The following SLC25A48 variants were observed in gnomAD, a reference collection of about 807,000 sequenced individuals.
SLC25A48 encodes the protein solute carrier family 25 member 48.
A neutral mutation model predicts 32.2 loss-of-function variants in SLC25A48; 29 were observed. The ratio of observed to expected loss-of-function variants is 0.90; its 90% CI spans 0.67 to 1.23. The LOEUF (loss-of-function observed/expected upper bound fraction) is 1.23. Ranked by LOEUF, SLC25A48 falls within the 50% of genes most tolerant of loss-of-function variation. SLC25A48 has a pLI of 0.00. For missense variants in SLC25A48, 399 were observed against 422.7 expected, an observed-to-expected ratio of 0.94 and a Z score of 0.49; for synonymous variants, 164 against 172.3, an observed-to-expected ratio of 0.95 and a Z score of 0.38.
intron 3 of SLC25A48, among the ~76,000 whole-genome samples, chr5:135,794,327 A>G (rs1481942696): frequency 6.6e-6 from 1 of 151,586 alleles, no homozygotes; most frequent in African/African-American, 2.4e-5. Context: ...AGAGGATAGT[A>G]TTACTCTCAA....
chr5:135,861,622 A>G lies in SLC25A48; in HGVS notation c.421+8801A>G, dbSNP rs77031763. 4.1e-4 allele frequency among the ~76,000 whole-genome samples: 63 copies of G among 152,322 alleles called. 1 individual carries two copies. The East Asian group carries it at 0.01, about 25-fold the overall frequency. Reference sequence around the variant, plus strand: ...AAATGTATTATTTAACAATCTTCCTAATGGTGAATATTTAGGTTGTTTACA... The same window carrying G: ...AAATGTATTATTTAACAATCTTCCTGATGGTGAATATTTAGGTTGTTTACA... On this transcript the variant is annotated intron_variant, in intron 4 of 7. Transcript: ENST00000681962.
At chr5:135,649,414 T>C (rs1753050246) in intron 3 of SLC25A48, 2 of 152,228 alleles carry the variant, frequency 1.3e-5, no homozygotes, top group African/African-American at 4.8e-5. Context: ...TCCCAGGTAC[T>C]ATGTTGGGTA....
chr5:135,683,157 T>C (rs1004358378), intron 3 of SLC25A48, among the ~76,000 whole-genome samples: 2 of 152,062 alleles, frequency 1.3e-5, no homozygotes, highest in South Asian at 2.1e-4. Context: ...GCAGATAACA[T>C]ACATGACAGA....
intron 4 of SLC25A48, among the ~76,000 whole-genome samples, chr5:135,823,356 C>T (rs899913479): frequency 2.6e-5 from 4 of 152,296 alleles, no homozygotes; most frequent in East Asian, 3.9e-4. Flanking sequence ...CTCTGGGCCA[C>T]GTGTCCCCTC....
At chr5:135,685,354 T>G (rs953480960) in intron 3 of SLC25A48, among the ~76,000 whole-genome samples, 5 of 151,150 alleles carry the variant, frequency 3.3e-5, no homozygotes, top group Non-Finnish European at 2.9e-5. Flanking sequence ...ATTAAGAAAA[T>G]TCGACTCTTG....
At chr5:135,772,629 A>AG (rs377377709) in intron 3 of SLC25A48, among the ~76,000 whole-genome samples, 1 of 148,296 alleles carries the variant, frequency 6.7e-6, no homozygotes, top group Admixed American at 6.8e-5. Context: ...TAATAACTGG[A>AG]GGGGGGGAGA....
At chr5:135,667,753 C>G (rs531521974) in intron 3 of SLC25A48, among the ~76,000 whole-genome samples, 2 of 152,300 alleles carry the variant, frequency 1.3e-5, no homozygotes, top group South Asian at 2.1e-4. Flanking sequence ...GAATGAATGA[C>G]GTAAAGCCAT....
chr5:135,686,946 G>T (rs1164938170), intron 3 of SLC25A48, among the ~76,000 whole-genome samples: 4 of 145,534 alleles, frequency 2.7e-5, no homozygotes, highest in South Asian at 2.2e-4. Flanking sequence ...GGAAAGGGTT[G>T]TTTTTTTTTT....
chr5:135,631,238 A>C (rs1450294520), intron 2 of SLC25A48, among the ~76,000 whole-genome samples: 3 of 152,216 alleles, frequency 2.0e-5, no homozygotes, highest in Admixed American at 2.0e-4. Flanking sequence ...ATGGAAAATG[A>C]GAAAAGGAAA....
chr5:135,612,422 A>G (rs1332858390), intron 1 of SLC25A48, among the ~76,000 whole-genome samples: 1 of 152,132 alleles, frequency 6.6e-6, no homozygotes, highest in Non-Finnish European at 1.5e-5. Context: ...GTTACTTTGA[A>G]CCATACAATT....
intron 4 of SLC25A48, among the ~76,000 whole-genome samples, chr5:135,813,772 A>G (rs1757646140): frequency 6.6e-6 from 1 of 152,120 alleles, no homozygotes. Context: ...AGGAAGAGCA[A>G]TGTTGGGAAA....
At chr5:135,610,786 G>C (rs1752046233) in intron 1 of SLC25A48, among the ~76,000 whole-genome samples, 2 of 152,182 alleles carry the variant, frequency 1.3e-5, no homozygotes, top group African/African-American at 4.8e-5. Context: ...TAGTGAGCAG[G>C]TAAAATCATC....
At chr5:135,696,828 C>T (rs1259481518) in intron 3 of SLC25A48, among the ~76,000 whole-genome samples, 1 of 152,190 alleles carries the variant, frequency 6.6e-6, no homozygotes, top group East Asian at 1.9e-4. Context: ...CTGCCAATCA[C>T]TATGCCCAGT....
intron 3 of SLC25A48, among the ~76,000 whole-genome samples, chr5:135,680,860 T>G (rs1021796800): frequency 6.6e-6 from 1 of 152,208 alleles, no homozygotes; most frequent in African/African-American, 2.4e-5. Flanking sequence ...TTGTCCATCC[T>G]CTCTCTCTTC....
chr5:135,806,243 C>G (rs2126647233), intron 3 of SLC25A48, among the ~76,000 whole-genome samples: 1 of 151,372 alleles, frequency 6.6e-6, no homozygotes, highest in South Asian at 2.1e-4. Flanking sequence ...GGATGTACAC[C>G]CTGTGGGTAT....
chr5:135,738,111 C>T (rs1475068803), intron 3 of SLC25A48, among the ~76,000 whole-genome samples: 1 of 152,192 alleles, frequency 6.6e-6, no homozygotes, highest in Non-Finnish European at 1.5e-5. Context: ...TCTCCATGCC[C>T]TTCCTTCAGG....
chr5:135,745,504 G>T (rs1412477320), intron 3 of SLC25A48, among the ~76,000 whole-genome samples: 3 of 152,148 alleles, frequency 2.0e-5, no homozygotes, highest in Non-Finnish European at 4.4e-5. Flanking sequence ...GATGTGGGGG[G>T]CCTGTTCCCA....
chr5:135,730,424 G>A (rs905064117), intron 3 of SLC25A48, among the ~76,000 whole-genome samples: 182 of 152,294 alleles, frequency 1.2e-3, no homozygotes, highest in Non-Finnish European at 4.0e-4. Context: ...CACCCACTTA[G>A]GATGTGACTT....
At chr5:135,756,265 C>A (rs560142590) in intron 3 of SLC25A48, among the ~76,000 whole-genome samples, 1 of 151,024 alleles carries the variant, frequency 6.6e-6, no homozygotes, top group African/African-American at 2.4e-5. Flanking sequence ...CTAGTGTTAA[C>A]ACTATGATAT....
Sources: gnomAD v4.1 joint callset for allele counts (sites outside exome capture counted in the v4.1 genomes callset) on GRCh38, gnomAD v4.1.1 for gene constraint, MANE v1.5 for transcripts, NCBI Gene and HGNC (gene_info 2026-07-23, HGNC 2026-07-21) for gene names.